ADAM9: variants seen among roughly 807,000 people sequenced by gnomAD.
ADAM9 encodes the protein disintegrin and metalloproteinase domain-containing protein 9.
ADAM9 carries 54 observed loss-of-function variants against 108.1 expected under a neutral mutation model. The observed-to-expected ratio is 0.50, with a 90% CI of 0.40 to 0.63. The LOEUF (loss-of-function observed/expected upper bound fraction) is 0.63. Among genes scored for constraint, ADAM9 ranks in the 20% least tolerant of loss-of-function variants. The probability of loss-of-function intolerance (pLI) is 0.00; values close to 1 mark genes in which losing one functional copy is unlikely to be tolerated. For missense variants in ADAM9, 830 were observed against 997.7 expected (o/e 0.83, Z 2.26); for synonymous variants, 316 against 336.0 (o/e 0.94, Z 0.65).
chr8:39,083,543 G>A (rs1300833011), intron 18 of ADAM9, among the ~76,000 whole-genome samples: 2 of 152,168 alleles, frequency 1.3e-5, no homozygotes, highest in Non-Finnish European at 1.5e-5. Context: ...CCTGTACTAG[G>A]CTACTATCTT....
intron 14 of ADAM9, among the ~76,000 whole-genome samples, chr8:39,066,405 C>T (rs955672321): frequency 6.6e-6 from 1 of 152,218 alleles, no homozygotes; most frequent in African/African-American, 2.4e-5. Flanking sequence ...ACATCCTCTC[C>T]AGCACCTGTT....
chr8:39,009,153 A>G (rs76057848), intron 2 of ADAM9, among the ~76,000 whole-genome samples: 26 of 152,296 alleles, frequency 1.7e-4, no homozygotes, highest in South Asian at 6.2e-4. Flanking sequence ...CTCCATTTAC[A>G]TCTCTCCAAC....
At chr8:39,041,801 A>C in intron 11 of ADAM9, 145 bp from the exon 12 acceptor site, 2 of 691,204 alleles carry the variant, frequency 2.9e-6, no homozygotes, top group Non-Finnish European at 4.9e-6. Flanking sequence ...TCACAAGTAG[A>C]TATGAATTCT....
intron 18 of ADAM9, 168 bp from the exon 19 acceptor site, chr8:39,089,879 A>G (rs1839293190): frequency 2.8e-6 from 2 of 713,818 alleles, no homozygotes; most frequent in Middle Eastern, 2.7e-4. Flanking sequence ...GTGAAGGCAG[A>G]AGTAAAGCGG....
At chr8:39,033,758 T>C (rs903385483) in intron 11 of ADAM9, among the ~76,000 whole-genome samples, 2 of 151,906 alleles carry the variant, frequency 1.3e-5, no homozygotes, top group African/African-American at 4.9e-5. Context: ...TATTTAAATA[T>C]GGAAAGAATG....
intron 11 of ADAM9, 36 bp downstream of exon 11, chr8:39,026,846 A>G (rs745904391): frequency 1.9e-6 from 3 of 1,611,302 alleles, no homozygotes; most frequent in Non-Finnish European, 2.5e-6. Context: ...TTTATTTGGT[A>G]TTGTAGATCC....
intron 18 of ADAM9, among the ~76,000 whole-genome samples, chr8:39,084,583 CT>C (rs1354355756): frequency 1.8e-3 from 256 of 142,830 alleles, no homozygotes; most frequent in Non-Finnish European, 1.7e-3. Flanking sequence ...GACTTGAATC[CT>C]TTTTTTTTTT....
rs936128577 is a variant in ADAM9, at chr8:39,104,411, A to T, written c.*711A>T. On this transcript the variant is annotated 3_prime_UTR_variant, in exon 22 of 22. Transcript: ENST00000487273. ...AAATTAATTTAATATTAGAATTTCT[A>T]TTATGAATCATGTGAAAGCATGACA... 1 of 433,172 alleles carries T rather than the reference A, an allele frequency of 2.3e-6. No homozygotes were observed. The highest frequency in any genetic ancestry group is 2.0e-5 in the African/African-American group (1 of 49,288). 26.8% of individuals were successfully genotyped at this position (433,172 alleles called of 1,614,324 possible). A position where few individuals can be genotyped will look rare whatever the true frequency, so the allele number is the denominator to read the frequency against.
chr8:39,000,764 G>A lies in ADAM9; in HGVS notation c.97+3604G>A, dbSNP rs1835969188. ...TTACAGGTGTGAACCACCACACCTG[G>A]CCTTAAATCACATCTTTTAAGAGTG... On this transcript the variant is annotated intron_variant, in intron 1 of 21. Transcript: ENST00000487273. Among the ~76,000 whole-genome samples, 5 of 152,140 alleles carry A rather than the reference G, an allele frequency of 3.3e-5. No homozygotes were observed. In the South Asian group the frequency reaches 8.3e-4, roughly 25 times the overall value.
intron 4 of ADAM9, chr8:39,015,787 G>T: frequency 9.4e-6 from 2 of 211,830 alleles, no homozygotes; most frequent in Non-Finnish European, 9.6e-6. Flanking sequence ...GGCTTTTGTT[G>T]GTTGTTGGAT....
chr8:39,066,489 T>G (rs1838479415), intron 14 of ADAM9, among the ~76,000 whole-genome samples: 1 of 152,266 alleles, frequency 6.6e-6, no homozygotes, highest in Non-Finnish European at 1.5e-5. Flanking sequence ...GATTTGCGTT[T>G]GTCTGATGGC....
intron 15 of ADAM9, among the ~76,000 whole-genome samples, chr8:39,071,761 G>A (rs759998372): frequency 5.3e-5 from 8 of 152,082 alleles, no homozygotes; most frequent in South Asian, 4.2e-4. Flanking sequence ...CACTGTGCCC[G>A]GCCGTCTCTA....
intron 12 of ADAM9, 58 bp from the exon 13 acceptor site, chr8:39,054,423 T>G (rs1838049456): frequency 7.0e-7 from 1 of 1,421,964 alleles, no homozygotes; most frequent in Non-Finnish European, 9.9e-7. Flanking sequence ...AGAATTTTAT[T>G]AATGAGTATT....
At chr8:39,062,405 G>A (rs1458721181) in intron 14 of ADAM9, among the ~76,000 whole-genome samples, 1 of 152,126 alleles carries the variant, frequency 6.6e-6, no homozygotes, top group African/African-American at 2.4e-5. Context: ...TTAGACTTTT[G>A]TTTACTTGGC....
At chr8:39,062,222 C>T (rs2129439928) in intron 14 of ADAM9, among the ~76,000 whole-genome samples, 1 of 152,188 alleles carries the variant, frequency 6.6e-6, no homozygotes, top group East Asian at 1.9e-4. Context: ...AGCCATAGGT[C>T]CCTTGGAAAT....
intron 19 of ADAM9, 76 bp from the exon 20 acceptor site, chr8:39,091,183 A>G (rs1839342225): frequency 7.2e-7 from 1 of 1,397,534 alleles, no homozygotes; most frequent in South Asian, 1.2e-5. Flanking sequence ...TATTTGGGAA[A>G]ATGCAAAATG....
chr8:39,040,953 ATGG>A (rs1234629754), intron 11 of ADAM9, among the ~76,000 whole-genome samples: 4 of 152,208 alleles, frequency 2.6e-5, no homozygotes, highest in African/African-American at 9.6e-5. Flanking sequence ...TCAACTCAAA[ATGG>A]ATAAAATACC....
At chr8:39,030,148 T>C (rs1428535837) in intron 11 of ADAM9, among the ~76,000 whole-genome samples, 2 of 152,204 alleles carry the variant, frequency 1.3e-5, no homozygotes, top group African/African-American at 4.8e-5. Flanking sequence ...CTTGGTGTTG[T>C]GCATTCTATG....
At chr8:39,057,069 T>A (rs1838147367) in intron 14 of ADAM9, among the ~76,000 whole-genome samples, 1 of 152,192 alleles carries the variant, frequency 6.6e-6, no homozygotes, top group Non-Finnish European at 1.5e-5. Context: ...TACGTTTAGA[T>A]GCCATTGTGT....
Sources: gnomAD v4.1 joint callset for allele counts (sites outside exome capture counted in the v4.1 genomes callset) on GRCh38, gnomAD v4.1.1 for gene constraint, MANE v1.5 for transcripts, NCBI Gene and HGNC (gene_info 2026-07-23, HGNC 2026-07-21) for gene names.